SEMA5A: variants seen among roughly 807,000 people sequenced by gnomAD.
The protein encoded by SEMA5A is semaphorin-5A.
SEMA5A carries 55 observed loss-of-function variants against 135.5 expected under a neutral mutation model. That is an observed-to-expected ratio of 0.41 (90% CI 0.33 to 0.51). The LOEUF (loss-of-function observed/expected upper bound fraction) is 0.51. Ranked by LOEUF, SEMA5A falls within the 20% of genes least tolerant of loss-of-function variation. The pLI is 0.37. For missense variants in SEMA5A, 1,290 were observed against 1,419.9 expected (o/e 0.91, Z 1.47); for synonymous variants, 580 against 546.5 (o/e 1.06, Z -0.85).
intron 3 of SEMA5A, among the ~76,000 whole-genome samples, chr5:9,359,044 T>G (rs1216840599): frequency 6.6e-6 from 1 of 152,070 alleles, no homozygotes; most frequent in Non-Finnish European, 1.5e-5. Flanking sequence ...TCAGTCCATT[T>G]CCTCTCCTAG....
intron 3 of SEMA5A, among the ~76,000 whole-genome samples, chr5:9,369,989 A>G (rs1755070420): frequency 6.6e-6 from 1 of 152,194 alleles, no homozygotes; most frequent in South Asian, 2.1e-4. Flanking sequence ...TCCTAATAAA[A>G]TGTAAACTCA....
At chr5:9,442,518 A>G (rs902273230) in intron 1 of SEMA5A, among the ~76,000 whole-genome samples, 3 of 152,120 alleles carry the variant, frequency 2.0e-5, no homozygotes, top group African/African-American at 7.2e-5. Flanking sequence ...TCACTAATAC[A>G]ACAGGTTTTA....
At chr5:9,050,527 G>A (rs1736513127) in intron 20 of SEMA5A, 70 bp from the exon 21 acceptor site, 2 of 1,268,446 alleles carry the variant, frequency 1.6e-6, no homozygotes, top group African/African-American at 1.5e-5. Context: ...CATGCTTCAT[G>A]TATGTTTGTC....
chr5:9,512,211 C>A lies in SEMA5A; in HGVS notation c.-175+33373G>T, dbSNP rs567496634. On this transcript the variant is annotated intron_variant, in intron 1 of 22. Transcript: ENST00000382496. ...CATAACTGATTATTCTCAACCTCAT[C>A]CATACATAAAAAAGCGTGCTAAACA... 10 of 152,294 alleles carry A rather than the reference C, an allele frequency of 6.6e-5. No individual in the cohort carries two copies. In the East Asian group the frequency reaches 1.9e-3, roughly 29 times the overall value. 9.4% of individuals were successfully genotyped at this position (152,294 alleles called of 1,614,324 possible).
At chr5:9,097,191 T>C (rs541731662) in intron 16 of SEMA5A, among the ~76,000 whole-genome samples, 1 of 152,166 alleles carries the variant, frequency 6.6e-6, no homozygotes, top group African/African-American at 2.4e-5. Flanking sequence ...GCCTCACAAG[T>C]AGTAATACTG....
At chr5:9,099,609 C>T (rs1489324516) in intron 16 of SEMA5A, among the ~76,000 whole-genome samples, 1 of 152,278 alleles carries the variant, frequency 6.6e-6, no homozygotes, top group East Asian at 1.9e-4. Flanking sequence ...CCATCAGATA[C>T]AGCAATTATT....
At chr5:9,323,482 T>G (rs1470485651) in intron 4 of SEMA5A, among the ~76,000 whole-genome samples, 2 of 152,024 alleles carry the variant, frequency 1.3e-5, no homozygotes, top group African/African-American at 2.4e-5. Flanking sequence ...TTGATGAAGC[T>G]TTCTTAAAAA....
intron 4 of SEMA5A, among the ~76,000 whole-genome samples, chr5:9,323,853 G>T (rs557852096): frequency 6.6e-6 from 1 of 151,136 alleles, no homozygotes; most frequent in Non-Finnish European, 1.5e-5. Context: ...GTAGAGACAG[G>T]GTTTCACCAT....
chr5:9,408,687 G>A (rs1756991198), intron 2 of SEMA5A, among the ~76,000 whole-genome samples: 1 of 152,146 alleles, frequency 6.6e-6, no homozygotes, highest in Admixed American at 6.5e-5. Context: ...TTCATATGAA[G>A]AAACTGAGGC....
chr5:9,176,084 G>A (rs750955616), intron 11 of SEMA5A, among the ~76,000 whole-genome samples: 6 of 152,182 alleles, frequency 3.9e-5, no homozygotes, highest in Non-Finnish European at 8.8e-5. Flanking sequence ...AAGGAATTCT[G>A]CAGATAAAAG....
At chr5:9,363,889 G>C (rs919881462) in intron 3 of SEMA5A, among the ~76,000 whole-genome samples, 5 of 152,116 alleles carry the variant, frequency 3.3e-5, no homozygotes, top group Admixed American at 3.3e-4. Context: ...AAATAAAAAG[G>C]CATTTCAAGT....
chr5:9,281,509 C>G (rs1027207561), intron 5 of SEMA5A, among the ~76,000 whole-genome samples: 1 of 152,198 alleles, frequency 6.6e-6, no homozygotes, highest in Non-Finnish European at 1.5e-5. Context: ...AGTGAATTAT[C>G]TAGCGTAAAA....
intron 1 of SEMA5A, among the ~76,000 whole-genome samples, chr5:9,499,192 C>G (rs368113573): frequency 6.6e-6 from 1 of 152,148 alleles, no homozygotes; most frequent in Non-Finnish European, 1.5e-5. Flanking sequence ...TCACAATAAT[C>G]CAAGTCCTAT....
At chr5:9,157,388 G>A (rs1743014346) in intron 11 of SEMA5A, among the ~76,000 whole-genome samples, 2 of 152,208 alleles carry the variant, frequency 1.3e-5, no homozygotes, top group Admixed American at 6.5e-5. Flanking sequence ...GGAGACACCA[G>A]AAACTTGACA....
intron 2 of SEMA5A, among the ~76,000 whole-genome samples, chr5:9,427,039 G>A (rs577962756): frequency 6.6e-6 from 1 of 151,820 alleles, no homozygotes; most frequent in African/African-American, 2.4e-5. Flanking sequence ...TTGGCCAGGT[G>A]CAGTGGCTCA....
chr5:9,179,724 AAAAC>A (rs1579552375), intron 11 of SEMA5A, among the ~76,000 whole-genome samples: 2 of 152,188 alleles, frequency 1.3e-5, no homozygotes, highest in East Asian at 3.9e-4. Flanking sequence ...AATCGGGCCT[AAAAC>A]AAACTCATAC....
intron 2 of SEMA5A, among the ~76,000 whole-genome samples, chr5:9,416,106 T>C (rs981935931): frequency 3.3e-5 from 5 of 152,162 alleles, no homozygotes; most frequent in Non-Finnish European, 7.3e-5. Flanking sequence ...TAGAGAGATA[T>C]TGGTAAAAAA....
intron 2 of SEMA5A, among the ~76,000 whole-genome samples, chr5:9,397,788 T>C (rs948554873): frequency 2.0e-5 from 3 of 152,214 alleles, no homozygotes; most frequent in African/African-American, 7.2e-5. Flanking sequence ...TACTAATAAG[T>C]CCAGTCCCCA....
At chr5:9,052,126 G>A in intron 19 of SEMA5A, 98 bp from the exon 20 acceptor site, 1 of 1,284,426 alleles carries the variant, frequency 7.8e-7, no homozygotes, top group Non-Finnish European at 1.0e-6. Flanking sequence ...CTGGATTCCA[G>A]GATTCCATAG....
Sources: allele counts gnomAD v4.1 joint callset (sites outside exome capture counted in the v4.1 genomes callset), GRCh38; gene constraint gnomAD v4.1.1; transcripts MANE v1.5; gene names NCBI Gene and HGNC (gene_info 2026-07-23, HGNC 2026-07-21).